The following LTBP1 variants were observed in gnomAD, a reference collection of about 807,000 sequenced individuals.
The protein encoded by LTBP1 is latent-transforming growth factor beta-binding protein 1.
Under a neutral mutation model 207.6 loss-of-function variants are expected in LTBP1, and 129 were observed. The ratio of observed to expected loss-of-function variants is 0.62; its 90% confidence interval spans 0.54 to 0.72. LTBP1 has a LOEUF of 0.72. Ranked by LOEUF, LTBP1 falls within the 30% of genes least tolerant of loss-of-function variation. LTBP1 has a pLI of 0.00. For synonymous variants in LTBP1, 963 were observed against 833.7 expected, an observed-to-expected ratio of 1.16 and a Z score of -2.67; for missense variants, 2,281 against 2,217.2, an observed-to-expected ratio of 1.03 and a Z score of -0.58.
chr2:32,974,673 T>A lies in LTBP1; in HGVS notation c.565+25728T>A, dbSNP rs576978511. On this transcript the variant is annotated intron_variant, in intron 2 of 33. Transcript: ENST00000404816. The stretch of plus-strand genomic sequence containing the variant: ...GATTGTTGTTGGTTTAAAGTCTGTT[T>A]TGTTTAAAATTAGAATAGCAATCTC... 5.3e-5 allele frequency among the ~76,000 whole-genome samples: 8 copies of A among 152,334 alleles called. No homozygotes were observed. The East Asian group carries it at 1.5e-3, about 29-fold the overall frequency.
chr2:33,171,200 A>C (rs1310920053), intron 5 of LTBP1, among the ~76,000 whole-genome samples: 4 of 122,660 alleles, frequency 3.3e-5, no homozygotes, highest in African/African-American at 1.2e-4. Context: ...TCAGACGATC[A>C]AACTACTCCG....
At chr2:33,336,677 C>G (rs886220861) in intron 24 of LTBP1, among the ~76,000 whole-genome samples, 1 of 152,114 alleles carries the variant, frequency 6.6e-6, no homozygotes, top group Non-Finnish European at 1.5e-5. Flanking sequence ...TGGCAGCAGA[C>G]GGAAAGCTCA....
chr2:32,996,880 T>C (rs13021075), intron 2 of LTBP1, among the ~76,000 whole-genome samples: 11,174 of 152,004 alleles, frequency 0.074, 504 homozygotes, highest in South Asian at 0.19. Context: ...TGGGTGGAAC[T>C]TTTTTTTGTT....
At chr2:33,366,416 C>G (rs1389799734) in intron 31 of LTBP1, among the ~76,000 whole-genome samples, 2 of 152,224 alleles carry the variant, frequency 1.3e-5, no homozygotes, top group Non-Finnish European at 2.9e-5. Context: ...ATATTTCTTT[C>G]AAGCTCTTTA....
At chr2:33,048,633 T>C (rs1339112176) in intron 3 of LTBP1, among the ~76,000 whole-genome samples, 2 of 152,236 alleles carry the variant, frequency 1.3e-5, no homozygotes, top group Non-Finnish European at 2.9e-5. Flanking sequence ...CCCTGGTCCT[T>C]CCTGTGGTCC....
At chr2:32,962,362 T>C (rs986725379) in intron 2 of LTBP1, among the ~76,000 whole-genome samples, 1 of 152,264 alleles carries the variant, frequency 6.6e-6, no homozygotes, top group Non-Finnish European at 1.5e-5. Flanking sequence ...TATGTTAAGT[T>C]AGTCCAAAAT....
chr2:33,075,151 G>A (rs569554307), intron 3 of LTBP1, among the ~76,000 whole-genome samples: 2 of 152,332 alleles, frequency 1.3e-5, no homozygotes, highest in South Asian at 4.1e-4. Flanking sequence ...AGAGCCAACT[G>A]CTGAGCATCT....
intron 3 of LTBP1, among the ~76,000 whole-genome samples, chr2:33,100,511 C>T (rs1439494315): frequency 6.6e-6 from 1 of 151,576 alleles, no homozygotes; most frequent in Non-Finnish European, 1.5e-5. Context: ...GTATAATTGC[C>T]TTTTTTATGT....
At chr2:33,181,191 A>G (rs2086595807) in intron 5 of LTBP1, among the ~76,000 whole-genome samples, 1 of 152,212 alleles carries the variant, frequency 6.6e-6, no homozygotes, top group African/African-American at 2.4e-5. Flanking sequence ...CCAGCAGCCG[A>G]AGTATTTTTA....
intron 3 of LTBP1, among the ~76,000 whole-genome samples, chr2:33,074,576 T>C (rs184606526): frequency 6.6e-6 from 1 of 151,760 alleles, no homozygotes; most frequent in Non-Finnish European, 1.5e-5. Flanking sequence ...CTACTAAAAA[T>C]ACAAAAATTA....
At chr2:33,335,736 C>G (rs143090917) in intron 24 of LTBP1, among the ~76,000 whole-genome samples, 70 of 152,290 alleles carry the variant, frequency 4.6e-4, no homozygotes, top group African/African-American at 1.6e-3. Context: ...TAACATCTTT[C>G]ACTCCCACTT....
intron 5 of LTBP1, among the ~76,000 whole-genome samples, chr2:33,165,996 T>C (rs1298757936): frequency 6.6e-6 from 1 of 152,052 alleles, no homozygotes; most frequent in Non-Finnish European, 1.5e-5. Flanking sequence ...TCTAATTCAG[T>C]TTTGGAAGTC....
In LTBP1 at chr2:33,016,047, A is replaced by G. The variant is rs985461421; in HGVS notation, c.566-4862A>G. Among the ~76,000 whole-genome samples, 30 of 152,180 alleles carry G rather than the reference A, an allele frequency of 2.0e-4. 1 individual carries two copies. The highest frequency in any genetic ancestry group is 7.2e-4 in the African/African-American group (30 of 41,452). ...TTCAACAGGAGATTTGGTAGGACTC[A>G]TACCAAACCCTGTCAGTGGACATTT... On this transcript the variant is annotated intron_variant, in intron 2 of 33. Transcript: ENST00000404816.
intron 3 of LTBP1, among the ~76,000 whole-genome samples, chr2:33,100,374 G>C (rs918137881): frequency 4.6e-5 from 7 of 152,008 alleles, no homozygotes; most frequent in Non-Finnish European, 2.9e-5. Context: ...AATTGGCTGA[G>C]ATGAACAAGA....
chr2:33,101,119 A>G (rs1380353387), intron 3 of LTBP1, among the ~76,000 whole-genome samples: 9 of 152,166 alleles, frequency 5.9e-5, no homozygotes, highest in Non-Finnish European at 1.5e-5. Context: ...CTGATTTTTC[A>G]CAGTGCTTGT....
intron 3 of LTBP1, among the ~76,000 whole-genome samples, chr2:33,022,197 C>T (rs2075204557): frequency 6.6e-6 from 1 of 151,414 alleles, no homozygotes; most frequent in Admixed American, 6.6e-5. Context: ...ACTTCCCCTT[C>T]GAATAGACCA....
At chr2:33,167,571 G>A (rs142424182) in intron 5 of LTBP1, among the ~76,000 whole-genome samples, 3 of 152,366 alleles carry the variant, frequency 2.0e-5, no homozygotes, top group East Asian at 3.9e-4. Context: ...TTAAGAGCAT[G>A]TGGCAGGGAG....
At chr2:33,050,227 G>A (rs1289726652) in intron 3 of LTBP1, among the ~76,000 whole-genome samples, 2 of 147,880 alleles carry the variant, frequency 1.4e-5, no homozygotes, top group East Asian at 4.0e-4. Flanking sequence ...AAAACCTGCT[G>A]AGAACCTTTT....
intron 5 of LTBP1, among the ~76,000 whole-genome samples, chr2:33,168,552 A>T (rs1233716866): frequency 6.6e-6 from 1 of 152,222 alleles, no homozygotes; most frequent in African/African-American, 2.4e-5. Flanking sequence ...GAGCCATTTG[A>T]AACCAATCAG....
Sources: allele counts gnomAD v4.1 joint callset (sites outside exome capture counted in the v4.1 genomes callset), GRCh38; gene constraint gnomAD v4.1.1; transcripts MANE v1.5; gene names NCBI Gene and HGNC (gene_info 2026-07-23, HGNC 2026-07-21).